MACROD2: variants seen among roughly 807,000 people sequenced by gnomAD.
The protein encoded by MACROD2 is ADP-ribose glycohydrolase MACROD2.
Under a neutral mutation model 70.4 loss-of-function variants are expected in MACROD2, and 36 were observed. The observed-to-expected ratio is 0.51, with a 90% CI of 0.39 to 0.68. MACROD2 has a LOEUF of 0.68. MACROD2 is among the 30% of genes least tolerant of loss of function. The pLI is 0.00. For synonymous variants in MACROD2, 172 were observed against 178.8 expected (o/e 0.96, Z 0.30); for missense variants, 496 against 538.4 (o/e 0.92, Z 0.78).
chr20:15,710,893 C>T (rs2050616562), intron 8 of MACROD2, among the ~76,000 whole-genome samples: 1 of 152,078 alleles, frequency 6.6e-6, no homozygotes, highest in South Asian at 2.1e-4. Context: ...TTTTGGGGCT[C>T]CAGCATTTTG....
At chr20:14,446,451 G>A (rs143521901) in intron 3 of MACROD2, among the ~76,000 whole-genome samples, 2 of 152,172 alleles carry the variant, frequency 1.3e-5, no homozygotes, top group East Asian at 1.9e-4. Context: ...TGCCTCTCAA[G>A]TTTTGAAGAG....
At position 14,466,238 on chromosome 20, in the gene MACROD2, T is replaced by C. The variant is rs2084446689; in HGVS notation, c.272-27241T>C. ...CTTGGAGGCTTTGTTGATTTCTTTT[T>C]ATTCTTTTTTCTCTAAACTTCTCTT... On this transcript the variant is annotated intron_variant, in intron 3 of 17. Transcript: ENST00000684519. Among the ~76,000 whole-genome samples, 3 of 151,436 alleles carry C rather than the reference T, an allele frequency of 2.0e-5. No homozygotes were observed. The South Asian group carries it at 6.2e-4, about 31-fold the overall frequency.
At chr20:15,465,341 C>T (rs1469126199) in intron 7 of MACROD2, among the ~76,000 whole-genome samples, 1 of 152,202 alleles carries the variant, frequency 6.6e-6, no homozygotes, top group African/African-American at 2.4e-5. Flanking sequence ...TGAAAACCAG[C>T]ATTTAGCCAC....
chr20:14,871,309 A>G (rs947910848), intron 5 of MACROD2, among the ~76,000 whole-genome samples: 1 of 152,172 alleles, frequency 6.6e-6, no homozygotes, highest in Non-Finnish European at 1.5e-5. Context: ...TTAGACTAAC[A>G]GTGGACCGCT....
chr20:15,521,832 G>A (rs1373082396), intron 8 of MACROD2, among the ~76,000 whole-genome samples: 1 of 152,162 alleles, frequency 6.6e-6, no homozygotes, highest in South Asian at 2.1e-4. Flanking sequence ...ATTAAATGGG[G>A]ATTTTCTTTG....
chr20:15,013,493 A>G (rs1278297893), intron 5 of MACROD2, among the ~76,000 whole-genome samples: 1 of 152,080 alleles, frequency 6.6e-6, no homozygotes, highest in Admixed American at 6.6e-5. Context: ...CCCTTTGAGG[A>G]TTGCCTCAAC....
At chr20:15,091,499 G>A (rs186131766) in intron 5 of MACROD2, among the ~76,000 whole-genome samples, 1 of 151,998 alleles carries the variant, frequency 6.6e-6, no homozygotes, top group African/African-American at 2.4e-5. Flanking sequence ...TTCTGGATTA[G>A]TGTTTTGTGA....
intron 5 of MACROD2, among the ~76,000 whole-genome samples, chr20:14,902,154 C>T (rs1358573501): frequency 1.3e-5 from 2 of 152,142 alleles, no homozygotes; most frequent in Non-Finnish European, 2.9e-5. Flanking sequence ...AAATGCAAAA[C>T]ATTAACCTCT....
At chr20:15,986,888 G>C in intron 14 of MACROD2, 87 bp downstream of exon 14, 1 of 1,069,976 alleles carries the variant, frequency 9.3e-7, no homozygotes. Flanking sequence ...TGTGCGTGGT[G>C]TGTGTGTGTG....
chr20:14,639,585 G>A (rs894783596), intron 4 of MACROD2, among the ~76,000 whole-genome samples: 28 of 152,116 alleles, frequency 1.8e-4, no homozygotes, highest in Non-Finnish European at 3.4e-4. Context: ...ACGCAATTCA[G>A]TGAGAATTTT....
At position 15,350,300 on chromosome 20, in the gene MACROD2, T is replaced by C. The variant is rs972454348; in HGVS notation, c.541-81105T>C. Among the ~76,000 whole-genome samples, 15 of 152,324 alleles carry C rather than the reference T, an allele frequency of 9.8e-5. No individual in the cohort carries two copies. The South Asian group carries it at 2.3e-3, about 23-fold the overall frequency. The stretch of plus-strand genomic sequence containing the variant: ...GTAAGACCTCATTTACATAGGCTAA[T>C]AGGGCTGGAGAAGCTCAAGCAAAAA... On this transcript the variant is annotated intron_variant, in intron 6 of 17. Coordinates refer to ENST00000684519, the MANE Select transcript of MACROD2 (RefSeq NM_001351661.2).
chr20:14,856,470 G>C (rs1270314737), intron 5 of MACROD2, among the ~76,000 whole-genome samples: 2 of 152,136 alleles, frequency 1.3e-5, no homozygotes, highest in African/African-American at 4.8e-5. Context: ...TATTGAATTT[G>C]TGTCCACAAT....
intron 5 of MACROD2, among the ~76,000 whole-genome samples, chr20:14,778,021 A>G (rs566673220): frequency 6.6e-6 from 1 of 152,214 alleles, no homozygotes; most frequent in South Asian, 2.1e-4. Flanking sequence ...GACACGCTGC[A>G]TTCCCATTTT....
chr20:15,785,236 C>T (rs1454318157), intron 8 of MACROD2, among the ~76,000 whole-genome samples: 3 of 151,788 alleles, frequency 2.0e-5, no homozygotes, highest in Admixed American at 2.0e-4. Context: ...TGAACAAGAG[C>T]CACTAAAAGC....
At chr20:15,197,150 T>A in intron 5 of MACROD2, 1 of 336,604 alleles carries the variant, frequency 3.0e-6, no homozygotes, top group Non-Finnish European at 4.2e-6. Flanking sequence ...GACTCTTTTT[T>A]AAGGTACCTT....
At position 15,860,092 on chromosome 20, in the gene MACROD2, G is replaced by A. The variant is rs1364479444; in HGVS notation, c.646-2653G>A. ...GGAGGTGGCAGTGAGCTGAGATCGCGCCACTGCCCTCCAACCTGGGCAGCA... is the reference window on the plus strand; with the variant it reads ...GGAGGTGGCAGTGAGCTGAGATCGCACCACTGCCCTCCAACCTGGGCAGCA... On this transcript the variant is annotated intron_variant, in intron 8 of 17. Coordinates refer to ENST00000684519, the MANE Select transcript of MACROD2 (RefSeq NM_001351661.2). Among the ~76,000 whole-genome samples the A allele has an allele frequency of 6.6e-5, 10 of 151,962 alleles. No individual in the cohort carries two copies. In the East Asian group the frequency reaches 9.7e-4, roughly 15 times the overall value.
chr20:15,796,605 T>G (rs6135530), intron 8 of MACROD2, among the ~76,000 whole-genome samples: 1 of 152,050 alleles, frequency 6.6e-6, no homozygotes, highest in African/African-American at 2.4e-5. Flanking sequence ...ACCTTAGTCT[T>G]CCCCTCTGAG....
At chr20:14,902,054 C>T (rs2073900685) in intron 5 of MACROD2, among the ~76,000 whole-genome samples, 1 of 151,968 alleles carries the variant, frequency 6.6e-6, no homozygotes, top group East Asian at 1.9e-4. Flanking sequence ...AAGCCAACTG[C>T]AATAAATGGA....
At chr20:14,456,195 A>G (rs2084300108) in intron 3 of MACROD2, among the ~76,000 whole-genome samples, 1 of 151,886 alleles carries the variant, frequency 6.6e-6, no homozygotes, top group Non-Finnish European at 1.5e-5. Flanking sequence ...ACAGTCTTTC[A>G]TGAGTGTTGA....
Sources: gnomAD v4.1 joint callset for allele counts (sites outside exome capture counted in the v4.1 genomes callset) on GRCh38, gnomAD v4.1.1 for gene constraint, MANE v1.5 for transcripts, NCBI Gene and HGNC (gene_info 2026-07-23, HGNC 2026-07-21) for gene names.